Variants in SPIN2A observed in about 807,000 individuals in gnomAD.
The protein encoded by SPIN2A is spindlin family member 2A.
SPIN2A carries 4 observed loss-of-function variants against 9.2 expected under a neutral mutation model. The observed-to-expected ratio is 0.44, with a 90% CI of 0.21 to 1.00. The LOEUF (loss-of-function observed/expected upper bound fraction) is 1.00. Among genes scored for constraint, SPIN2A ranks in the 50% least tolerant of loss-of-function variants. SPIN2A has a pLI of 0.26. For synonymous variants in SPIN2A, 25 were observed against 61.2 expected (o/e 0.41, Z 2.76); for missense variants, 77 against 172.8 (o/e 0.45, Z 3.11).
upstream of SPIN2A, among the ~76,000 whole-genome samples, chrX:57,140,301 C>T (rs770635158): frequency 3.7e-5 from 4 of 108,275 alleles, no homozygotes; most frequent in South Asian, 1.6e-3. Context: ...TAACTTCTTC[C>T]TTCCCAATTT....
At chrX:57,143,960 T>C in the SPIN2A span, among the ~76,000 whole-genome samples, 1 of 112,098 alleles carries the variant, frequency 8.9e-6, no homozygotes, top group Non-Finnish European at 1.9e-5. Flanking sequence ...AAGAACACAG[T>C]ATTACTTGAA....
chrX:57,136,825 G>A (rs1927795459), intron 1 of SPIN2A: 1 of 408,311 alleles, frequency 2.4e-6, no homozygotes, highest in Non-Finnish European at 4.3e-6. Flanking sequence ...TCTGGGGTTA[G>A]GAACTCTGCA....
In SPIN2A at chrX:57,136,205, T is replaced by C. The variant is rs1204894457; in HGVS notation, c.393A>G (p.Lys131=). 2.5e-6 allele frequency: 3 copies of C among 1,210,848 alleles called. No individual in the cohort carries two copies. In the East Asian group the frequency reaches 8.9e-5, roughly 36 times the overall value. ...DANLANTIIG[K]AVEHMFEGEH... is the part of the protein sequence containing the mutation. ...CTCCCTCAAACATGTGTTCCACTGC[T>C]TTGCCAATTATGGTATTTGCAAGGT... The change falls in exon 2 of 2, where the codon AAA becomes AAG. Residue 131 remains lysine, a synonymous_variant. Coordinates refer to ENST00000374906, the MANE Select transcript of SPIN2A (RefSeq NM_019003.5).
upstream of SPIN2A, chrX:57,137,475 T>C: frequency 2.7e-6 from 1 of 370,707 alleles, no homozygotes; most frequent in Non-Finnish European, 3.5e-6. Flanking sequence ...TCAGCCACGT[T>C]GGGCTGCCAC....
upstream of SPIN2A, among the ~76,000 whole-genome samples, chrX:57,140,934 T>C (rs780155010): frequency 1.4e-4 from 16 of 111,972 alleles, 1 homozygote; most frequent in Admixed American, 1.3e-3. Context: ...TTATGCAGTG[T>C]ATTTATGTAA....
At position 57,135,727 on chromosome X, in the gene SPIN2A, C is replaced by A; in HGVS notation, c.*94G>T. ...CAAAGATGTTTAGTTATCAGGGATTCCATAAGCTTTCAGTACACTGAAAGG... is the reference window on the plus strand; with the variant it reads ...CAAAGATGTTTAGTTATCAGGGATTACATAAGCTTTCAGTACACTGAAAGG... On this transcript the variant is annotated 3_prime_UTR_variant, in exon 2 of 2. Coordinates refer to ENST00000374906, the MANE Select transcript of SPIN2A (RefSeq NM_019003.5). 8.7e-7 allele frequency: 1 copy of A among 1,149,336 alleles called. No individual in the cohort carries two copies. Among genetic ancestry groups the A allele is most frequent in the Non-Finnish European group, 1.2e-6 (1 of 864,387 alleles). The allele number at this position is 1,149,336 out of a possible 1,213,427, so 94.7% of individuals were successfully genotyped here. A position where few individuals can be genotyped will look rare whatever the true frequency, so the allele number is the denominator to read the frequency against.
At chrX:57,136,921 C>G (rs1327715159) in intron 1 of SPIN2A, 2 of 756,307 alleles carry the variant, frequency 2.6e-6, no homozygotes, top group African/African-American at 2.2e-5. Context: ...TCCCAATCCC[C>G]TGCAAAGCGG....
At chrX:57,138,324 C>T (rs772391030), upstream of SPIN2A, among the ~76,000 whole-genome samples, 29 of 110,501 alleles carry the variant, frequency 2.6e-4, no homozygotes, top group East Asian at 7.6e-3. Context: ...GGACAACAAA[C>T]CAAATGGGTG....
Position 57,136,055 on chromosome X carries a change from A to T in SPIN2A, c.543T>A (p.Tyr181Ter). Residue 181 changes from tyrosine to a stop codon, truncating the protein, a stop_gained, in exon 2 of 2, where the codon TAT (tyrosine) becomes TAA (stop). Coordinates refer to ENST00000374906, the MANE Select transcript of SPIN2A (RefSeq NM_019003.5). LOFTEE classifies it high-confidence loss of function. Reference sequence around the variant, plus strand: ...GCATGATGCGGAGGTCACCTTCCTTATAATCATCTAGAAGCTGGTACATGT... The same window carrying T: ...GCATGATGCGGAGGTCACCTTCCTTTTAATCATCTAGAAGCTGGTACATGT... The part of the protein sequence containing the change: ...VLYMYQLLDD[Y>*]KEGDLRIMPE... 1.7e-6 allele frequency: 2 copies of T among 1,203,539 alleles called. No homozygotes were observed. The highest frequency in any genetic ancestry group is 1.1e-6 in the Non-Finnish European group (1 of 892,432).
downstream of SPIN2A, chrX:57,135,393 C>A: frequency 6.3e-6 from 1 of 159,743 alleles, no homozygotes; most frequent in Non-Finnish European, 1.2e-5. Flanking sequence ...CCAAGGAGCC[C>A]CTCCCTTTCT....
intron 1 of SPIN2A, chrX:57,136,808 A>AG: frequency 2.6e-6 from 1 of 389,841 alleles, no homozygotes; most frequent in Non-Finnish European, 4.6e-6. Flanking sequence ...GTGGTGCAGT[A>AG]GAGCTGTCTG....
intron 1 of SPIN2A, chrX:57,136,908 C>G (rs1444467636): frequency 2.9e-6 from 2 of 700,406 alleles, no homozygotes; most frequent in African/African-American, 4.4e-5. Context: ...CACTAGCATC[C>G]ACTCCCAATC....
upstream of SPIN2A, among the ~76,000 whole-genome samples, chrX:57,142,460 G>A (rs1928028714): frequency 8.9e-6 from 1 of 112,073 alleles, no homozygotes; most frequent in Non-Finnish European, 1.9e-5. Context: ...ATTGTAGTTA[G>A]AAAAGATACT....
At chrX:57,145,339 G>C in the SPIN2A span, among the ~76,000 whole-genome samples, 1 of 109,897 alleles carries the variant, frequency 9.1e-6, no homozygotes, top group Admixed American at 9.7e-5. Flanking sequence ...TATGTTTGTT[G>C]GCCATTTGTA....
At chrX:57,145,961 C>A in the SPIN2A span, among the ~76,000 whole-genome samples, 2 of 110,576 alleles carry the variant, frequency 1.8e-5, no homozygotes, top group Non-Finnish European at 3.8e-5. Flanking sequence ...GTGACTATGG[C>A]CTTATAGTAT....
rs1927848246 is a variant in SPIN2A at position 57,137,309 on chromosome X, G to T, written c.-55C>A. The T allele has an allele frequency of 1.3e-6, 1 of 759,459 alleles. No homozygotes were observed. The highest frequency in any genetic ancestry group is 7.6e-5 in the Admixed American group (1 of 13,162). 62.6% of individuals were successfully genotyped at this position (759,459 alleles called of 1,213,427 possible). A position where few individuals can be genotyped will look rare whatever the true frequency, so the allele number is the denominator to read the frequency against. On this transcript the variant is annotated 5_prime_UTR_variant, in exon 1 of 2. Transcript: ENST00000374906. Reference sequence around the variant, plus strand: ...CTGTGGCGAAGGAGGGTCAACAGGCGACTCGCTGAGTGACTGCTTGCAAGA... The same window carrying T: ...CTGTGGCGAAGGAGGGTCAACAGGCTACTCGCTGAGTGACTGCTTGCAAGA...
chrX:57,144,903 T>C, the SPIN2A span, among the ~76,000 whole-genome samples: 6 of 93,382 alleles, frequency 6.4e-5, no homozygotes, highest in Non-Finnish European at 1.2e-4. Context: ...TATATATGTA[T>C]GTATATGTAT....
chrX:57,137,321 G>A lies in SPIN2A; in HGVS notation c.-67C>T. 1.3e-6 allele frequency: 1 copy of A among 759,432 alleles called. No homozygotes were observed. The highest frequency in any genetic ancestry group is 1.6e-6 in the Non-Finnish European group (1 of 641,926). The allele number at this position is 759,432 out of a possible 1,213,427, so 62.6% of individuals were successfully genotyped here. A position where few individuals can be genotyped will look rare whatever the true frequency, so the allele number is the denominator to read the frequency against. Reference sequence around the variant, plus strand: ...AGGGTCAACAGGCGACTCGCTGAGTGACTGCTTGCAAGAGCGGGGAGGGTA... The same window carrying A: ...AGGGTCAACAGGCGACTCGCTGAGTAACTGCTTGCAAGAGCGGGGAGGGTA... On this transcript the variant is annotated 5_prime_UTR_variant, in exon 1 of 2. Coordinates refer to ENST00000374906, the MANE Select transcript of SPIN2A (RefSeq NM_019003.5).
chrX:57,137,976 C>G (rs1487331205), upstream of SPIN2A, among the ~76,000 whole-genome samples: 2 of 111,499 alleles, frequency 1.8e-5, no homozygotes, highest in Non-Finnish European at 3.8e-5. Context: ...ATACACACCT[C>G]TATCCAATCA....
Sources: gnomAD v4.1 joint callset for allele counts (sites outside exome capture counted in the v4.1 genomes callset) on GRCh38, gnomAD v4.1.1 for gene constraint, MANE v1.5 for transcripts, NCBI Gene and HGNC (gene_info 2026-07-23, HGNC 2026-07-21) for gene names.